TRIO: variants seen among roughly 807,000 people sequenced by gnomAD.
TRIO encodes the protein triple functional domain protein.
A neutral mutation model predicts 351.9 loss-of-function variants in TRIO; 58 were observed. That is an observed-to-expected ratio of 0.16 (90% CI 0.13 to 0.21). TRIO has a LOEUF of 0.21. Ranked by LOEUF, TRIO falls within the 10% of genes least tolerant of loss-of-function variation. The probability of loss-of-function intolerance (pLI) is 1.00; values close to 1 mark genes in which losing one functional copy is unlikely to be tolerated. For synonymous variants in TRIO, 1,758 were observed against 1,595.7 expected (o/e 1.10, Z -2.42); for missense variants, 3,201 against 4,027.8 (o/e 0.79, Z 5.56).
At chr5:14,392,624 C>T (rs941770687) in intron 27 of TRIO, among the ~76,000 whole-genome samples, 1 of 152,230 alleles carries the variant, frequency 6.6e-6, no homozygotes, top group Non-Finnish European at 1.5e-5. Context: ...AAGACACATG[C>T]ACACACGTTT....
chr5:14,398,152 C>G (rs1461452660), intron 29 of TRIO, among the ~76,000 whole-genome samples: 4 of 152,150 alleles, frequency 2.6e-5, no homozygotes, highest in Non-Finnish European at 4.4e-5. Flanking sequence ...GTGGGAGCTT[C>G]TACTATGAGA....
At chr5:14,430,483 A>G (rs933429015) in intron 34 of TRIO, among the ~76,000 whole-genome samples, 8 of 152,244 alleles carry the variant, frequency 5.3e-5, no homozygotes, top group Non-Finnish European at 8.8e-5. Flanking sequence ...CTCAGTATGT[A>G]TATAAAATAG....
At chr5:14,467,413 T>G (rs1182019231) in intron 37 of TRIO, among the ~76,000 whole-genome samples, 1 of 152,134 alleles carries the variant, frequency 6.6e-6, no homozygotes, top group Non-Finnish European at 1.5e-5. Context: ...AGCTAGAAAT[T>G]TCTCCCCAGG....
intron 21 of TRIO, among the ~76,000 whole-genome samples, chr5:14,384,990 CACCATG>C (rs1297321355): frequency 6.6e-6 from 1 of 152,216 alleles, no homozygotes; most frequent in Non-Finnish European, 1.5e-5. Context: ...AAATGGCCTT[CACCATG>C]AGATCATCAA....
chr5:14,326,890 G>T (rs60384021), intron 9 of TRIO, among the ~76,000 whole-genome samples: 5,329 of 152,130 alleles, frequency 0.035, 311 homozygotes, highest in African/African-American at 0.12. Context: ...GGGGAGTTTG[G>T]TTTTGAATAT....
At chr5:14,301,473 T>C (rs1298753028) in intron 7 of TRIO, among the ~76,000 whole-genome samples, 1 of 152,146 alleles carries the variant, frequency 6.6e-6, no homozygotes, top group Non-Finnish European at 1.5e-5. Flanking sequence ...CTCATTAGAC[T>C]GCAGTAGCCA....
chr5:14,467,737 C>T (rs1341735022), intron 37 of TRIO, among the ~76,000 whole-genome samples: 1 of 152,012 alleles, frequency 6.6e-6, no homozygotes, highest in Admixed American at 6.6e-5. Flanking sequence ...CACCTGAGCC[C>T]AGGAGGTTGA....
At chr5:14,251,484 G>A (rs1794743419) in intron 1 of TRIO, among the ~76,000 whole-genome samples, 1 of 152,240 alleles carries the variant, frequency 6.6e-6, no homozygotes, top group African/African-American at 2.4e-5. Context: ...GAGATGGCAA[G>A]GAACACTTGT....
chr5:14,337,019 G>A (rs925097765), intron 11 of TRIO, among the ~76,000 whole-genome samples: 8 of 152,284 alleles, frequency 5.3e-5, no homozygotes, highest in East Asian at 1.9e-4. Context: ...GGACCTGCGC[G>A]TTGTTGGTCA....
chr5:14,235,705 A>G (rs1002171819), intron 1 of TRIO, among the ~76,000 whole-genome samples: 1 of 152,170 alleles, frequency 6.6e-6, no homozygotes, highest in African/African-American at 2.4e-5. Context: ...CCTTACACCC[A>G]TTCGAATCCA....
At chr5:14,478,409 G>A (rs114570670) in intron 41 of TRIO, among the ~76,000 whole-genome samples, 1,982 of 152,286 alleles carry the variant, frequency 0.013, 47 homozygotes, top group African/African-American at 0.046. Context: ...AAGGACAACT[G>A]ACATCTTAGT....
In TRIO at chr5:14,488,071, G is replaced by C. The variant is rs764647221; in HGVS notation, c.7443G>C (p.Lys2481Asn). 2 of 1,610,052 alleles carry C rather than the reference G, an allele frequency of 1.2e-6. No individual in the cohort carries two copies. The highest frequency in any genetic ancestry group is 1.7e-5 in the Admixed American group (1 of 59,904). The change falls in exon 48 of 57, where the codon AAG becomes AAC. Residue 2481 changes from lysine (K) to asparagine (N), a missense_variant. Coordinates refer to ENST00000344204, the MANE Select transcript of TRIO (RefSeq NM_007118.4). ...TCCCCCCCAGCAGCCCCCTGCAGAA[G>C]GGGGGCTCCTTCTGGAGCTCCATCC... is the stretch of plus-strand genomic sequence containing the variant. ...EPFPPSSPLQ[K>N]GGSFWSSIPA...
chr5:14,144,584 G>A (rs1787381597), intron 1 of TRIO, among the ~76,000 whole-genome samples: 1 of 152,002 alleles, frequency 6.6e-6, no homozygotes, highest in Non-Finnish European at 1.5e-5. Flanking sequence ...ACGTGGCCCC[G>A]GGGGGGCGGC....
At chr5:14,388,589 C>G in intron 23 of TRIO, 24 bp from the exon 24 acceptor site, 1 of 1,607,168 alleles carries the variant, frequency 6.2e-7, no homozygotes, top group Non-Finnish European at 8.5e-7. Flanking sequence ...TGACTGTACT[C>G]CTCACTGTCT....
intron 1 of TRIO, among the ~76,000 whole-genome samples, chr5:14,204,353 TTCC>T (rs1581345029): frequency 6.6e-6 from 1 of 152,242 alleles, no homozygotes; most frequent in East Asian, 1.9e-4. Context: ...GGGAGTTCTT[TTCC>T]TTGGTCGATG....
Position 14,316,606 on chromosome 5 carries a change from A to G in TRIO, c.1594A>G (p.Lys532Glu). 6.2e-7 allele frequency: 1 copy of G among 1,614,202 alleles called. No homozygotes were observed. The highest frequency in any genetic ancestry group is 8.5e-7 in the Non-Finnish European group (1 of 1,180,034). The change falls in exon 9 of 57, where the codon AAG becomes GAG. Residue 532 changes from lysine to glutamate, a missense_variant. Coordinates refer to ENST00000344204, the MANE Select transcript of TRIO (RefSeq NM_007118.4). The part of the protein sequence containing the change: ...DSLTASANYS[K>E]AVHHVLDVIH... ...CCTGACAGCCTCTGCCAACTACTCC[A>G]AGGCCGTGCACCATGTCCTGGATGT... is the stretch of plus-strand genomic sequence containing the variant.
chr5:14,494,408 G>T (rs1324665897), intron 49 of TRIO, among the ~76,000 whole-genome samples: 1 of 152,128 alleles, frequency 6.6e-6, no homozygotes, highest in East Asian at 1.9e-4. Context: ...GTATTTTAAG[G>T]CCAGTGTCAA....
At chr5:14,195,363 T>C (rs983377165) in intron 1 of TRIO, among the ~76,000 whole-genome samples, 1 of 152,092 alleles carries the variant, frequency 6.6e-6, no homozygotes, top group Non-Finnish European at 1.5e-5. Context: ...TACTGAAGGG[T>C]GGTATTGTGC....
chr5:14,318,643 A>G (rs1439968877), intron 9 of TRIO, among the ~76,000 whole-genome samples: 1 of 152,210 alleles, frequency 6.6e-6, no homozygotes, highest in African/African-American at 2.4e-5. Flanking sequence ...TGCCAGAGAA[A>G]GAATACAGTG....
Sources: gnomAD v4.1 joint callset for allele counts (sites outside exome capture counted in the v4.1 genomes callset) on GRCh38, gnomAD v4.1.1 for gene constraint, MANE v1.5 for transcripts, NCBI Gene and HGNC (gene_info 2026-07-23, HGNC 2026-07-21) for gene names.